RERE: variants seen among roughly 807,000 people sequenced by gnomAD.
The protein encoded by RERE is arginine-glutamic acid dipeptide repeats, also known as arginine-glutamic acid dipeptide repeats protein.
Under a neutral mutation model 146.1 loss-of-function variants are expected in RERE, and 40 were observed. The observed-to-expected ratio is 0.27, with a 90% CI of 0.21 to 0.36. RERE has a LOEUF of 0.36. Among genes scored for constraint, RERE ranks in the 10% least tolerant of loss-of-function variants. The probability of loss-of-function intolerance (pLI) is 1.00; values close to 1 mark genes in which losing one functional copy is unlikely to be tolerated. For synonymous variants in RERE, 1,003 were observed against 866.0 expected (o/e 1.16, Z -2.78); for missense variants, 1,933 against 2,138.7 (o/e 0.90, Z 1.90).
intron 1 of RERE, among the ~76,000 whole-genome samples, chr1:8,751,497 T>A (rs1257428320): frequency 3.3e-5 from 5 of 152,200 alleles, no homozygotes. Context: ...AAATTCCATT[T>A]CTTCCAGAGT....
intron 11 of RERE, among the ~76,000 whole-genome samples, chr1:8,446,390 C>A (rs1644320427): frequency 6.6e-6 from 1 of 152,080 alleles, no homozygotes; most frequent in Admixed American, 6.5e-5. Context: ...GGTAACCTGA[C>A]CTTTCTCTCT....
At chr1:8,441,202 C>A (rs1165378263) in intron 11 of RERE, among the ~76,000 whole-genome samples, 1 of 152,142 alleles carries the variant, frequency 6.6e-6, no homozygotes, top group Non-Finnish European at 1.5e-5. Context: ...CTTGACTCTC[C>A]CAGTGCCCAG....
In RERE at chr1:8,356,298, T is replaced by C. The variant is rs542633060; in HGVS notation, c.4340-52A>G. On this transcript the variant is annotated intron_variant, in intron 20 of 22. Coordinates refer to ENST00000400908, the MANE Select transcript of RERE (RefSeq NM_001042681.2). The surrounding 1 kb of genome is among the most constrained non-coding windows in gnomAD (Gnocchi z 5.2). ...GAGGCGGTGTGCAGCTCTTCAATGT[T>C]TGTCCCCCTTGGCTGGAATGACCGA... 6.2e-6 allele frequency: 9 copies of C among 1,452,404 alleles called. No homozygotes were observed. In the African/African-American group the frequency reaches 1.2e-4, roughly 19 times the overall value. 90.0% of individuals were successfully genotyped at this position (1,452,404 alleles called of 1,614,324 possible). A position where few individuals can be genotyped will look rare whatever the true frequency, so the allele number is the denominator to read the frequency against.
intron 1 of RERE, among the ~76,000 whole-genome samples, chr1:8,657,139 A>G (rs1015517149): frequency 9.9e-5 from 15 of 151,918 alleles, no homozygotes; most frequent in Non-Finnish European, 2.1e-4. Flanking sequence ...TGTCTCTACT[A>G]AAAAATACAA....
At chr1:8,544,324 T>C (rs1645833674) in intron 6 of RERE, among the ~76,000 whole-genome samples, 1 of 152,256 alleles carries the variant, frequency 6.6e-6, no homozygotes, top group Non-Finnish European at 1.5e-5. Flanking sequence ...TATTATTTCC[T>C]TCTTTGTACA....
chr1:8,734,487 G>A (rs1276602732), intron 1 of RERE, among the ~76,000 whole-genome samples: 1 of 152,102 alleles, frequency 6.6e-6, no homozygotes, highest in Non-Finnish European at 1.5e-5. Context: ...ACTGCTCATT[G>A]TCTGCACTAC....
At position 8,614,616 on chromosome 1, in the gene RERE, G is replaced by A. The variant is rs142313428; in HGVS notation, c.467C>T (p.Pro156Leu). Residue 156 changes from proline (P) to leucine (L), a missense_variant, in exon 4 of 23, where the codon CCG (proline) becomes CTG (leucine). Pro to Leu is a moderately conservative substitution (Grantham distance 98). Around this residue, in one of 11 missense-constraint regions of RERE, gnomAD observed 74 missense variants for 99.6 expected, o/e 0.74. Transcript: ENST00000400908. ...ATGCTGTGGTGGCTGTGATGCCACC[G>A]GCAGAGAGCATGCTGGGGGGTCACA... ...ALCDPPACSL[P>L]VASQPPQHLS... 4.3e-5 allele frequency: 69 copies of A among 1,612,892 alleles called. No individual in the cohort carries two copies. The Admixed American group carries it at 9.2e-4, about 21-fold the overall frequency.
At chr1:8,642,407 T>A (rs1354135694) in intron 2 of RERE, among the ~76,000 whole-genome samples, 1 of 152,212 alleles carries the variant, frequency 6.6e-6, no homozygotes, top group African/African-American at 2.4e-5. Context: ...GTGGTCAAGA[T>A]GAAACCTAAG....
intron 12 of RERE, among the ~76,000 whole-genome samples, chr1:8,375,030 A>G (rs1642186362): frequency 6.6e-6 from 1 of 152,040 alleles, no homozygotes; most frequent in African/African-American, 2.4e-5. Flanking sequence ...ACATCTTTTC[A>G]TTCCCGCCTC....
intron 1 of RERE, among the ~76,000 whole-genome samples, chr1:8,752,214 A>T (rs975166718): frequency 2.6e-5 from 4 of 152,066 alleles, no homozygotes; most frequent in Non-Finnish European, 5.9e-5. Flanking sequence ...GAAAAAAAAA[A>T]ATTCACTATC....
chr1:8,444,099 C>T (rs1024716504), intron 11 of RERE, among the ~76,000 whole-genome samples: 2 of 152,226 alleles, frequency 1.3e-5, no homozygotes, highest in African/African-American at 4.8e-5. Flanking sequence ...GCAGCTTGCA[C>T]TGTATGCCTG....
Position 8,362,798 on chromosome 1 carries a change from T to C in RERE, c.1787A>G (p.Asp596Gly), listed in dbSNP as rs964722201. The change falls in exon 16 of 23, where the codon GAT becomes GGT. Residue 596 changes from aspartate (D) to glycine (G), a missense_variant. Asp to Gly is a moderately conservative substitution (Grantham distance 94). Around this residue, in one of 11 missense-constraint regions of RERE, gnomAD observed 1,255 missense variants for 1,153.8 expected, o/e 1.09. Transcript: ENST00000400908. ...TTCATTGATGGGTGAGGTGCGACCA[T>C]CAGGGCTGGCTGGCTGCTTCTTCCG... ...SGRKKQPASP[D>G]GRTSPINEDI... is the part of the protein sequence containing the mutation. 1.2e-6 allele frequency: 2 copies of C among 1,614,116 alleles called. No homozygotes were observed. The highest frequency in any genetic ancestry group is 1.7e-6 in the Non-Finnish European group (2 of 1,180,040).
At chr1:8,512,710 G>A (rs1203598470) in intron 7 of RERE, 1 of 152,290 alleles carries the variant, frequency 6.6e-6, no homozygotes, top group African/African-American at 2.4e-5. Flanking sequence ...TCAGGGCACT[G>A]AGTGTCTCTT....
At chr1:8,397,363 T>C (rs1436431848) in intron 12 of RERE, among the ~76,000 whole-genome samples, 1 of 152,200 alleles carries the variant, frequency 6.6e-6, no homozygotes, top group Non-Finnish European at 1.5e-5. Context: ...ACTACGACTC[T>C]GAGGGAGGTT....
intron 12 of RERE, among the ~76,000 whole-genome samples, chr1:8,388,149 C>A (rs1035465713): frequency 6.6e-6 from 1 of 152,118 alleles, no homozygotes; most frequent in Non-Finnish European, 1.5e-5. Context: ...TGACTCCATT[C>A]ATAGGAAGTT....
At chr1:8,789,301 A>AAAAAAAAAATAT in intron 1 of RERE, among the ~76,000 whole-genome samples, 3 of 24,814 alleles carry the variant, frequency 1.2e-4, no homozygotes, top group African/African-American at 4.6e-4. Flanking sequence ...AAAAAAAAAA[A>AAAAAAAAAATAT]ATATATATAT....
chr1:8,630,748 A>G (rs987919643), intron 2 of RERE, among the ~76,000 whole-genome samples: 2 of 152,146 alleles, frequency 1.3e-5, no homozygotes, highest in Non-Finnish European at 2.9e-5. Context: ...GTACATATAT[A>G]CACACATACA....
chr1:8,768,481 G>T (rs142147310), intron 1 of RERE, among the ~76,000 whole-genome samples: 1 of 152,312 alleles, frequency 6.6e-6, no homozygotes, highest in East Asian at 1.9e-4. Context: ...GAAATATACT[G>T]TATCTGTGCT....
At chr1:8,711,093 G>C (rs1486029123) in intron 1 of RERE, among the ~76,000 whole-genome samples, 1 of 148,328 alleles carries the variant, frequency 6.7e-6, no homozygotes. Context: ...GGAGGCGGAG[G>C]CTGCTGTGAG....
Sources: gnomAD v4.1 joint callset for allele counts (sites outside exome capture counted in the v4.1 genomes callset) on GRCh38, gnomAD v4.1.1 for gene constraint, gnomAD v4.1.1 regional missense constraint, Gnocchi (gnomAD v3.1) non-coding constraint, MANE v1.5 for transcripts, NCBI Gene and HGNC (gene_info 2026-07-23, HGNC 2026-07-21) for gene names.